Variants in RERE observed in about 807,000 individuals in gnomAD.
RERE encodes arginine-glutamic acid dipeptide repeats.
A neutral mutation model predicts 146.1 loss-of-function variants in RERE; 40 were observed. The ratio of observed to expected loss-of-function variants is 0.27; its 90% CI spans 0.21 to 0.36. RERE has a LOEUF of 0.36. Ranked by LOEUF, RERE falls within the 10% of genes least tolerant of loss-of-function variation. The pLI is 1.00. For synonymous variants in RERE, 1,003 were observed against 866.0 expected (o/e 1.16, Z -2.78); for missense variants, 1,933 against 2,138.7 (o/e 0.90, Z 1.90).
In RERE at chr1:8,358,610, TCTCCCGCTCCCGGAG is replaced by T. The variant is rs754280682; in HGVS notation, c.3910_3924del (p.Leu1304_Glu1308del). 2.5e-5 allele frequency: 40 copies of T among 1,596,366 alleles called. No individual in the cohort carries two copies. The highest frequency in any genetic ancestry group is 1.7e-4 in the South Asian group (15 of 87,812). On this transcript the variant is annotated inframe_deletion, in exon 20 of 23. Transcript: ENST00000400908. ...CGCTCTCGGATCTCCCGCTCTCGGA[TCTCCCGCTCCCGGAG>T]CTCCCGCTCGCGGATGGTGGGGTCG...
rs1058791 is a variant in RERE, at chr1:8,353,257, A to C, written c.*1830T>G. The C allele has an allele frequency of 0.23, 34,509 of 152,432 alleles. 4,660 individuals are homozygous for C. The highest frequency in any genetic ancestry group is 0.36 in the African/African-American group (14,846 of 41,524). 9.4% of individuals were successfully genotyped at this position (152,432 alleles called of 1,614,324 possible). A position where few individuals can be genotyped will look rare whatever the true frequency, so the allele number is the denominator to read the frequency against. On this transcript the variant is annotated 3_prime_UTR_variant, in exon 23 of 23. Transcript: ENST00000400908. Reference sequence around the variant, plus strand: ...AAAAAACTAGAAACATTTTCAACAGACAAAACAAGCCTATCCCAACTGAAA... The same window carrying C: ...AAAAAACTAGAAACATTTTCAACAGCCAAAACAAGCCTATCCCAACTGAAA...
rs767957645 is a variant in RERE at position 8,356,460 on chromosome 1, C to A, written c.4340-214G>T. Among the ~76,000 whole-genome samples the A allele has an allele frequency of 6.6e-6, 1 of 152,122 alleles. No homozygotes were observed. Among genetic ancestry groups the A allele is most frequent in the Non-Finnish European group, 1.5e-5 (1 of 68,012 alleles). On this transcript the variant is annotated intron_variant, in intron 20 of 22. Transcript: ENST00000400908. This position sits in a 1 kb window ranked among gnomAD's most constrained non-coding sequence, Gnocchi z 5.2. Reference sequence around the variant, plus strand: ...AGGCCGAGAGAAGTGACGAGCCCACCGCTGATGCAGGCACTCCCTCGTCCG... The same window carrying A: ...AGGCCGAGAGAAGTGACGAGCCCACAGCTGATGCAGGCACTCCCTCGTCCG...
At chr1:8,582,562 C>T (rs1646380171) in intron 4 of RERE, among the ~76,000 whole-genome samples, 1 of 151,880 alleles carries the variant, frequency 6.6e-6, no homozygotes, top group Non-Finnish European at 1.5e-5. Flanking sequence ...ACTTTCTAAA[C>T]CATAGGAAAA....
chr1:8,767,470 GT>G (rs1640869558), intron 1 of RERE, among the ~76,000 whole-genome samples: 1 of 152,002 alleles, frequency 6.6e-6, no homozygotes, highest in South Asian at 2.1e-4. Context: ...GGGTGATGTG[GT>G]GCACATCTGT....
At chr1:8,410,308 A>G (rs1375503151) in intron 12 of RERE, among the ~76,000 whole-genome samples, 1 of 152,208 alleles carries the variant, frequency 6.6e-6, no homozygotes, top group Non-Finnish European at 1.5e-5. Context: ...AAGGTCCACA[A>G]GACCTCACCC....
chr1:8,522,709 T>C (rs927368572), intron 7 of RERE, among the ~76,000 whole-genome samples: 1 of 151,378 alleles, frequency 6.6e-6, no homozygotes, highest in Admixed American at 6.6e-5. Flanking sequence ...CCGTCTCTAC[T>C]AAAAAATACA....
chr1:8,575,552 TATATATATA>T (rs1385293158), intron 4 of RERE, among the ~76,000 whole-genome samples: 16 of 77,284 alleles, frequency 2.1e-4, no homozygotes, highest in South Asian at 8.8e-4. Flanking sequence ...TATATATATA[TATATATATA>T]TTTTTTTTTT....
At chr1:8,606,200 G>A (rs377603058) in intron 4 of RERE, among the ~76,000 whole-genome samples, 5 of 152,000 alleles carry the variant, frequency 3.3e-5, no homozygotes, top group Admixed American at 1.3e-4. Context: ...GAAATTACAC[G>A]ACCTTTCAAA....
At position 8,361,063 on chromosome 1, in the gene RERE, T is replaced by C; in HGVS notation, c.2444A>G (p.His815Arg). The C allele has an allele frequency of 7.0e-7, 1 of 1,434,378 alleles. No homozygotes were observed. Among genetic ancestry groups the C allele is most frequent in the Non-Finnish European group, 9.1e-7 (1 of 1,099,582 alleles). The allele number at this position is 1,434,378 out of a possible 1,614,324, so 88.9% of individuals were successfully genotyped here. The part of the protein sequence containing the change: ...ALHPQRPPSP[H>R]PPPHPSPHPP... ...ATGTGGCGAGGGATGCGGCGGGGGA[T>C]GCGGTGAGGGCGGCCGCTGGGGGTG... The change falls in exon 18 of 23, where the codon CAT (histidine) becomes CGT (arginine). Residue 815 changes from histidine to arginine, a missense_variant. Coordinates refer to ENST00000400908, the MANE Select transcript of RERE (RefSeq NM_001042681.2).
chr1:8,596,672 C>CTTTTTTTT (rs3082096), intron 4 of RERE, among the ~76,000 whole-genome samples: 1 of 137,814 alleles, frequency 7.3e-6, no homozygotes, highest in African/African-American at 2.7e-5. Context: ...CCATGTCTGG[C>CTTTTTTTT]TTTTTTTTTT....
intron 12 of RERE, among the ~76,000 whole-genome samples, chr1:8,400,383 G>A (rs889677865): frequency 2.0e-5 from 3 of 151,934 alleles, no homozygotes; most frequent in Admixed American, 6.6e-5. Context: ...CTCCCAAGTA[G>A]TGGGACTACA....
chr1:8,713,803 A>C (rs543513150), intron 1 of RERE, among the ~76,000 whole-genome samples: 1 of 152,310 alleles, frequency 6.6e-6, no homozygotes, highest in South Asian at 2.1e-4. Context: ...AAACAGTCTT[A>C]ACATACCTAA....
chr1:8,724,404 T>C (rs1390518100), intron 1 of RERE, among the ~76,000 whole-genome samples: 1 of 152,186 alleles, frequency 6.6e-6, no homozygotes, highest in African/African-American at 2.4e-5. Flanking sequence ...AGTAATACTG[T>C]CTATATCAAT....
chr1:8,622,485 TTAAA>T lies in RERE; in HGVS notation c.396+1821_396+1824del, dbSNP rs1363865782. On this transcript the variant is annotated intron_variant, in intron 3 of 22. Transcript: ENST00000400908. The stretch of plus-strand genomic sequence containing the variant: ...TTTCAGGTGTCAGTGCTGTATCTGT[TTAAA>T]AAAAAAAAAAAAAAAAAAAAAACAC... Among the ~76,000 whole-genome samples the T allele has an allele frequency of 8.6e-5, 6 of 69,418 alleles. No homozygotes were observed. The East Asian group carries it at 2.1e-3, about 24-fold the overall frequency. 45.5% of individuals were successfully genotyped at this position (69,418 alleles called of 152,430 possible).
intron 1 of RERE, among the ~76,000 whole-genome samples, chr1:8,777,533 CTTTTTTTT>C (rs752250797): frequency 7.3e-6 from 1 of 137,696 alleles, no homozygotes; most frequent in Non-Finnish European, 1.6e-5. Context: ...AAGTGTCATA[CTTTTTTTT>C]TTTTTTTTTT....
At chr1:8,602,612 G>A (rs942721561) in intron 4 of RERE, among the ~76,000 whole-genome samples, 5 of 151,658 alleles carry the variant, frequency 3.3e-5, no homozygotes, top group Admixed American at 1.3e-4. Context: ...GTTTGGTTTC[G>A]TGCCCCTCTC....
chr1:8,458,560 G>T (rs904488284), intron 11 of RERE, among the ~76,000 whole-genome samples: 1 of 152,174 alleles, frequency 6.6e-6, no homozygotes, highest in Non-Finnish European at 1.5e-5. Context: ...TCTAAACACA[G>T]ACGTGTGCGC....
chr1:8,541,326 A>G lies in RERE; in HGVS notation c.726-8T>C. The G allele has an allele frequency of 6.4e-7, 1 of 1,562,038 alleles. No homozygotes were observed. The highest frequency in any genetic ancestry group is 8.8e-7 in the Non-Finnish European group (1 of 1,135,616). On this transcript the variant is annotated splice_region_variant and splice_polypyrimidine_tract_variant and intron_variant, in intron 6 of 22. Coordinates refer to ENST00000400908, the MANE Select transcript of RERE (RefSeq NM_001042681.2). ...GAGATGTTACACTTCCCTCTGGGAA[A>G]AAGAGAAAAAAATAATTAGTAATAC... is the stretch of plus-strand genomic sequence containing the variant.
At chr1:8,488,576 GATTCTAAA>G (rs1015122513) in intron 10 of RERE, among the ~76,000 whole-genome samples, 16 of 152,094 alleles carry the variant, frequency 1.1e-4, no homozygotes, top group African/African-American at 3.4e-4. Context: ...CTGGAAGGCT[GATTCTAAA>G]ATTTACATGG....
Sources: allele counts gnomAD v4.1 joint callset (sites outside exome capture counted in the v4.1 genomes callset), GRCh38; gene constraint gnomAD v4.1.1; non-coding constraint Gnocchi (gnomAD v3.1); transcripts MANE v1.5; gene names NCBI Gene and HGNC (gene_info 2026-07-23, HGNC 2026-07-21).